BICD2: variants seen among roughly 807,000 people sequenced by gnomAD.
BICD2 encodes protein bicaudal D homolog 2.
BICD2 carries 25 observed loss-of-function variants against 72.9 expected under a neutral mutation model. The ratio of observed to expected loss-of-function variants is 0.34; its 90% CI spans 0.25 to 0.48. The LOEUF is 0.48. Among genes scored for constraint, BICD2 ranks in the 20% least tolerant of loss-of-function variants. BICD2 has a pLI of 0.99. For synonymous variants in BICD2, 501 were observed against 516.1 expected, an observed-to-expected ratio of 0.97 and a Z score of 0.40; for missense variants, 894 against 1,175.2, an observed-to-expected ratio of 0.76 and a Z score of 3.50.
chr9:92,747,513 C>G (rs959905995), intron 1 of BICD2, among the ~76,000 whole-genome samples: 1 of 152,096 alleles, frequency 6.6e-6, no homozygotes, highest in Admixed American at 6.5e-5. Flanking sequence ...ACCAGGGAGT[C>G]AGTAGGGAGG....
Position 92,714,297 on chromosome 9 carries a change from G to C in BICD2, c.*857C>G. 1 of 985,522 alleles carries C rather than the reference G, an allele frequency of 1.0e-6. No homozygotes were observed. The highest frequency in any genetic ancestry group is 1.2e-6 in the Non-Finnish European group (1 of 829,984). The allele number at this position is 985,522 out of a possible 1,614,324, so 61.0% of individuals were successfully genotyped here. A position where few individuals can be genotyped will look rare whatever the true frequency, so the allele number is the denominator to read the frequency against. ...CTTTGGGACTGAACCCCCTATGGAA[G>C]GCCGGATAATTGGCTGCTGGGGTCA... On this transcript the variant is annotated 3_prime_UTR_variant, in exon 7 of 7. Transcript: ENST00000356884.
chr9:92,763,745 G>C (rs1450280828), intron 1 of BICD2, among the ~76,000 whole-genome samples: 1 of 152,192 alleles, frequency 6.6e-6, no homozygotes, highest in Non-Finnish European at 1.5e-5. Flanking sequence ...TGAGGTCTCC[G>C]TCCAAGAGGA....
Position 92,712,618 on chromosome 9 carries a change from G to A in BICD2, c.*2536C>T, listed in dbSNP as rs1263188252. 3 of 152,396 alleles carry A rather than the reference G, an allele frequency of 2.0e-5. No individual in the cohort carries two copies. The highest frequency in any genetic ancestry group is 1.9e-4 in the East Asian group (1 of 5,182). The allele number at this position is 152,396 out of a possible 1,614,324, so 9.4% of individuals were successfully genotyped here. A position where few individuals can be genotyped will look rare whatever the true frequency, so the allele number is the denominator to read the frequency against. The stretch of plus-strand genomic sequence containing the variant: ...CTGTTAATCAGTCATGCTTCACAAC[G>A]TCCTAAAACCCAGAAAATTCTGGAA... On this transcript the variant is annotated 3_prime_UTR_variant, in exon 7 of 7. Coordinates refer to ENST00000356884, the MANE Select transcript of BICD2 (RefSeq NM_001003800.2).
intron 1 of BICD2, among the ~76,000 whole-genome samples, chr9:92,756,125 G>C (rs1854250185): frequency 6.6e-6 from 1 of 152,236 alleles, no homozygotes; most frequent in African/African-American, 2.4e-5. Context: ...ACACCCACTA[G>C]ATGACAACAT....
At chr9:92,736,511 A>C (rs1283073155) in intron 1 of BICD2, among the ~76,000 whole-genome samples, 1 of 152,180 alleles carries the variant, frequency 6.6e-6, no homozygotes, top group Non-Finnish European at 1.5e-5. Flanking sequence ...CTTGTGAATA[A>C]TCCATCCCTT....
At chr9:92,717,141 C>T (rs1853332769) in intron 6 of BICD2, among the ~76,000 whole-genome samples, 1 of 149,502 alleles carries the variant, frequency 6.7e-6, no homozygotes, top group African/African-American at 2.6e-5. Flanking sequence ...GGGGCAAATA[C>T]CTCATGAGAG....
At chr9:92,751,134 T>TGTTG (rs1554708673) in intron 1 of BICD2, among the ~76,000 whole-genome samples, 2 of 150,348 alleles carry the variant, frequency 1.3e-5, no homozygotes, top group Non-Finnish European at 3.0e-5. Flanking sequence ...TGGTTGGTTT[T>TGTTG]TTGTTGTTGT....
In BICD2 at chr9:92,720,741, GC is replaced by G; in HGVS notation, c.620del (p.Gly207AlafsTer41). The G allele has an allele frequency of 6.2e-7, 1 of 1,613,596 alleles. No individual in the cohort carries two copies. ...CCAGACGCTTGATCTCATGCTTGAG[GC>G]CCTCAAACTCCACCTGGGAAGAGAA... is the stretch of plus-strand genomic sequence containing the variant. ...VLRQNQVEFEGLKHEIKRLEE... is the reference protein window; with the variant it reads ...VLRQNQVEFEXLKHEIKRLEE... On this transcript the variant is annotated frameshift_variant, in exon 4 of 7. Transcript: ENST00000356884. LOFTEE classifies it high-confidence loss of function. The surrounding 1 kb of genome is among the most constrained non-coding windows in gnomAD (Gnocchi z 5.4).
At chr9:92,744,570 G>T (rs569390559) in intron 1 of BICD2, among the ~76,000 whole-genome samples, 1 of 152,296 alleles carries the variant, frequency 6.6e-6, no homozygotes, top group East Asian at 1.9e-4. Context: ...GGCCAGGCGT[G>T]GTGGCTCAAG....
Position 92,719,256 on chromosome 9 carries a change from A to G in BICD2, c.1389T>C (p.Arg463=). 2 of 1,613,204 alleles carry G rather than the reference A, an allele frequency of 1.2e-6. No homozygotes were observed. Among genetic ancestry groups the G allele is most frequent in the Non-Finnish European group, 1.7e-6 (2 of 1,179,974 alleles). Residue 463 remains arginine (R), a synonymous_variant, in exon 5 of 7, where the codon CGT becomes CGC. Transcript: ENST00000356884. The stretch of plus-strand genomic sequence containing the variant: ...CCTTCTCCTCGGCGTGCTGGGCCTC[A>G]CGAGCCTCGTGCGTGCTGCGCAGTG... ...LKALRSTHEA[R]EAQHAEEKGR...
chr9:92,737,066 G>A (rs746706208), intron 1 of BICD2, among the ~76,000 whole-genome samples: 13 of 151,020 alleles, frequency 8.6e-5, no homozygotes, highest in Non-Finnish European at 1.8e-4. Flanking sequence ...GCCCATCTGT[G>A]CCCACCACCC....
intron 1 of BICD2, among the ~76,000 whole-genome samples, chr9:92,746,211 G>A (rs1007950418): frequency 3.3e-5 from 5 of 152,290 alleles, no homozygotes; most frequent in Middle Eastern, 3.4e-3. Context: ...TGGGGAGAGG[G>A]GCTTGCTGCA....
At position 92,722,696 on chromosome 9, in the gene BICD2, A is replaced by G. The variant is rs2131504106; in HGVS notation, c.566T>C (p.Ile189Thr). 1 of 1,614,176 alleles carries G rather than the reference A, an allele frequency of 6.2e-7. No homozygotes were observed. Among genetic ancestry groups the G allele is most frequent in the African/African-American group, 1.3e-5 (1 of 75,044 alleles). Residue 189 changes from isoleucine (I) to threonine (T), a missense_variant, in exon 3 of 7, where the codon ATC (isoleucine) becomes ACC (threonine). By Grantham distance (89) the Ile-to-Thr change is moderately conservative (BLOSUM62 -1). This residue lies in a region of BICD2 where 5 missense variants were observed against 24.5 expected (regional missense o/e 0.20). Coordinates refer to ENST00000356884, the MANE Select transcript of BICD2 (RefSeq NM_001003800.2). ...QDYSELEEEN[I>T]SLQKQVSVLR... is the part of the protein sequence containing the mutation. ...CACAGACACTTGCTTCTGCAGGCTGATGTTCTCCTCCTCCAGTTCCGAGTA... is the reference window on the plus strand; with the variant it reads ...CACAGACACTTGCTTCTGCAGGCTGGTGTTCTCCTCCTCCAGTTCCGAGTA...
chr9:92,724,449 G>A (rs1853525033), intron 2 of BICD2, among the ~76,000 whole-genome samples: 1 of 152,206 alleles, frequency 6.6e-6, no homozygotes, highest in Admixed American at 6.5e-5. Context: ...TATTTACAAT[G>A]AAGATTACAT....
intron 1 of BICD2, among the ~76,000 whole-genome samples, chr9:92,753,251 A>G (rs1239004435): frequency 6.6e-6 from 1 of 152,246 alleles, no homozygotes; most frequent in East Asian, 1.9e-4. Context: ...CTAAGGAGAC[A>G]CAACAACTAA....
chr9:92,720,773 C>T lies in BICD2; in HGVS notation c.607-18G>A, dbSNP rs370358019. On this transcript the variant is annotated intron_variant, in intron 3 of 6. Transcript: ENST00000356884. The surrounding 1 kb of genome is among the most constrained non-coding windows in gnomAD (Gnocchi z 5.4). Reference sequence around the variant, plus strand: ...AACTCCACCTGGGAAGAGAAGTCAACGCTCTTGCATCAATGCAATGTGGAA... The same window carrying T: ...AACTCCACCTGGGAAGAGAAGTCAATGCTCTTGCATCAATGCAATGTGGAA... The T allele has an allele frequency of 3.1e-5, 50 of 1,609,830 alleles. No homozygotes were observed. Among genetic ancestry groups the T allele is most frequent in the African/African-American group, 1.9e-4 (14 of 74,832 alleles).
intron 1 of BICD2, among the ~76,000 whole-genome samples, chr9:92,731,803 G>A (rs1390421925): frequency 1.3e-5 from 2 of 152,218 alleles, no homozygotes; most frequent in African/African-American, 2.4e-5. Context: ...TGAGGGGGCA[G>A]AGAAAGCAAT....
intron 1 of BICD2, among the ~76,000 whole-genome samples, chr9:92,730,674 C>T (rs1418235320): frequency 1.3e-5 from 2 of 152,100 alleles, no homozygotes; most frequent in African/African-American, 2.4e-5. Flanking sequence ...GTGTGTGTCT[C>T]GTGGTGTTGC....
chr9:92,720,547 T>C lies in BICD2; in HGVS notation c.815A>G (p.Tyr272Cys). Residue 272 changes from tyrosine (Y) to cysteine (C), a missense_variant, in exon 4 of 7, where the codon TAC becomes TGC. Tyr to Cys is a radical substitution (Grantham distance 194). Coordinates refer to ENST00000356884, the MANE Select transcript of BICD2 (RefSeq NM_001003800.2). This position sits in a 1 kb window ranked among gnomAD's most constrained non-coding sequence, Gnocchi z 5.4. ...SHYMSINDSF[Y>C]TSHLHVSLDG... Reference sequence around the variant, plus strand: ...CAGCGAGACATGCAGGTGGCTGGTGTAGAAGGAGTCATTGATGCTCATGTA... The same window carrying C: ...CAGCGAGACATGCAGGTGGCTGGTGCAGAAGGAGTCATTGATGCTCATGTA... 1.2e-6 allele frequency: 2 copies of C among 1,614,172 alleles called. No individual in the cohort carries two copies. Among genetic ancestry groups the C allele is most frequent in the Non-Finnish European group, 1.7e-6 (2 of 1,180,028 alleles).
Sources: allele counts gnomAD v4.1 joint callset (sites outside exome capture counted in the v4.1 genomes callset), GRCh38; gene constraint gnomAD v4.1.1; regional missense constraint gnomAD v4.1.1; non-coding constraint Gnocchi (gnomAD v3.1); transcripts MANE v1.5; gene names NCBI Gene and HGNC (gene_info 2026-07-23, HGNC 2026-07-21).